The following TNFSF8 variants were observed in gnomAD, a reference collection of about 807,000 sequenced individuals.
The protein encoded by TNFSF8 is TNF superfamily member 8, also known as tumor necrosis factor ligand superfamily member 8.
TNFSF8 carries 4 observed loss-of-function variants against 22.0 expected under a neutral mutation model. The ratio of observed to expected loss-of-function variants is 0.18; its 90% confidence interval spans 0.09 to 0.42. TNFSF8 has a LOEUF of 0.42. TNFSF8 is among the 10% of genes least tolerant of loss of function. The pLI is 1.00. For missense variants in TNFSF8, 233 were observed against 281.8 expected (o/e 0.83, Z 1.24); for synonymous variants, 106 against 112.5 (o/e 0.94, Z 0.37).
chr9:114,899,884 G>T (rs1315837478), downstream of TNFSF8, among the ~76,000 whole-genome samples: 2 of 152,160 alleles, frequency 1.3e-5, no homozygotes, highest in Non-Finnish European at 2.9e-5. Context: ...CAGTGTCTTT[G>T]TGACACCATT....
At chr9:114,916,772 A>C (rs189030206) in intron 2 of TNFSF8, among the ~76,000 whole-genome samples, 40 of 152,328 alleles carry the variant, frequency 2.6e-4, no homozygotes, top group Non-Finnish European at 4.9e-4. Context: ...AGCCTGGCTC[A>C]GCACTACAAC....
downstream of TNFSF8, among the ~76,000 whole-genome samples, chr9:114,896,955 T>C (rs1488527471): frequency 6.6e-6 from 1 of 152,160 alleles, no homozygotes; most frequent in Admixed American, 6.5e-5. Flanking sequence ...AGGCTGGAGT[T>C]GCAGTGGTGC....
chr9:114,911,809 T>C (rs1232594903), intron 2 of TNFSF8, among the ~76,000 whole-genome samples: 1 of 152,140 alleles, frequency 6.6e-6, no homozygotes, highest in Non-Finnish European at 1.5e-5. Context: ...CTGCAACAGT[T>C]AGTAAACCTG....
intron 1 of TNFSF8, among the ~76,000 whole-genome samples, chr9:114,924,789 C>T (rs767242715): frequency 2.0e-5 from 3 of 152,164 alleles, no homozygotes; most frequent in African/African-American, 4.8e-5. Flanking sequence ...CCATTCTGCC[C>T]GGAACCCAAG....
intron 1 of TNFSF8, among the ~76,000 whole-genome samples, chr9:114,925,290 C>T (rs1828043557): frequency 6.6e-6 from 1 of 152,178 alleles, no homozygotes; most frequent in Non-Finnish European, 1.5e-5. Flanking sequence ...CATGCAGTTT[C>T]TATAGCATGC....
At position 114,918,144 on chromosome 9, in the gene TNFSF8, A is replaced by C. The variant is rs1827943046; in HGVS notation, c.196-6T>G. ...GGTGAGTTGGGAATGGAGTCCTGGA[A>C]GAAAAGAAAGAAAAAAGCAGCATGA... On this transcript the variant is annotated splice_region_variant and splice_polypyrimidine_tract_variant and intron_variant, in intron 1 of 3. Transcript: ENST00000223795. 1 of 1,603,390 alleles carries C rather than the reference A, an allele frequency of 6.2e-7. No individual in the cohort carries two copies. The highest frequency in any genetic ancestry group is 1.3e-5 in the African/African-American group (1 of 74,252).
chr9:114,928,137 G>A (rs1009689612), intron 1 of TNFSF8, among the ~76,000 whole-genome samples: 8 of 152,226 alleles, frequency 5.3e-5, no homozygotes, highest in South Asian at 2.1e-4. Context: ...ACAGCACACC[G>A]CACTGTACAA....
intron 1 of TNFSF8, among the ~76,000 whole-genome samples, chr9:114,922,385 G>T (rs1827999378): frequency 6.6e-6 from 1 of 152,168 alleles, no homozygotes; most frequent in African/African-American, 2.4e-5. Flanking sequence ...ATGGCCCAAA[G>T]GGACTTTTGC....
chr9:114,904,984 C>T (rs1450062329), intron 3 of TNFSF8, among the ~76,000 whole-genome samples: 1 of 152,152 alleles, frequency 6.6e-6, no homozygotes, highest in Non-Finnish European at 1.5e-5. Context: ...TATTAAGGGG[C>T]TCTTGCCATC....
intron 2 of TNFSF8, among the ~76,000 whole-genome samples, chr9:114,909,895 G>A (rs986298204): frequency 1.3e-5 from 2 of 152,190 alleles, no homozygotes; most frequent in Non-Finnish European, 2.9e-5. Context: ...CCCTGAGATG[G>A]CCTGGTTCAG....
Position 114,901,439 on chromosome 9 carries a change from T to G in TNFSF8, c.*2492A>C. The stretch of plus-strand genomic sequence containing the variant: ...GACTGAGATTAGAAACCACTCACAG[T>G]GCAAAAGTCAGGTACCTCTGCTCAG... On this transcript the variant is annotated 3_prime_UTR_variant, in exon 4 of 4. Transcript: ENST00000223795. 1.0e-6 allele frequency: 1 copy of G among 985,422 alleles called. No homozygotes were observed. 61.0% of individuals were successfully genotyped at this position (985,422 alleles called of 1,614,324 possible). A position where few individuals can be genotyped will look rare whatever the true frequency, so the allele number is the denominator to read the frequency against.
chr9:114,923,956 C>T (rs1162190118), intron 1 of TNFSF8, among the ~76,000 whole-genome samples: 5 of 152,100 alleles, frequency 3.3e-5, no homozygotes, highest in East Asian at 1.9e-4. Flanking sequence ...TACAATAAGA[C>T]GTATATAGAA....
In TNFSF8 at chr9:114,905,812, G is replaced by C; in HGVS notation, c.310+16C>G. ...CGGTTTTCATATGTTTAGGTTTCCT[G>C]GGCTTGGTTACTGACCTTGGAGGTA... is the stretch of plus-strand genomic sequence containing the variant. On this transcript the variant is annotated intron_variant, in intron 3 of 3. Coordinates refer to ENST00000223795, the MANE Select transcript of TNFSF8 (RefSeq NM_001244.4). 1 of 1,601,042 alleles carries C rather than the reference G, an allele frequency of 6.2e-7. No individual in the cohort carries two copies.
At chr9:114,923,962 T>G (rs1381813612) in intron 1 of TNFSF8, among the ~76,000 whole-genome samples, 1 of 152,238 alleles carries the variant, frequency 6.6e-6, no homozygotes, top group Admixed American at 6.5e-5. Flanking sequence ...AAGACGTATA[T>G]AGAATTACCT....
downstream of TNFSF8, among the ~76,000 whole-genome samples, chr9:114,898,890 T>G (rs1230151873): frequency 6.6e-6 from 1 of 152,122 alleles, no homozygotes; most frequent in Non-Finnish European, 1.5e-5. Flanking sequence ...TCAATAATCT[T>G]GCAATCAGGA....
downstream of TNFSF8, among the ~76,000 whole-genome samples, chr9:114,896,730 A>C (rs911150521): frequency 1.3e-5 from 2 of 152,202 alleles, no homozygotes; most frequent in African/African-American, 4.8e-5. Flanking sequence ...AGGGTGATGG[A>C]TTCTACAGCA....
chr9:114,910,810 C>A (rs148254847), intron 2 of TNFSF8, among the ~76,000 whole-genome samples: 3 of 152,312 alleles, frequency 2.0e-5, no homozygotes, highest in Non-Finnish European at 4.4e-5. Flanking sequence ...GTGCCAGGTA[C>A]CTTCCAGATG....
chr9:114,926,543 C>T (rs899435750), intron 1 of TNFSF8, among the ~76,000 whole-genome samples: 12 of 152,220 alleles, frequency 7.9e-5, no homozygotes, highest in Admixed American at 7.8e-4. Flanking sequence ...ATTGATGTCT[C>T]TCACCAGGCA....
chr9:114,923,494 C>CTTTA (rs967581183), intron 1 of TNFSF8, among the ~76,000 whole-genome samples: 2 of 76,478 alleles, frequency 2.6e-5, no homozygotes, highest in African/African-American at 2.0e-4. Flanking sequence ...TTCTTTCTTT[C>CTTTA]TTTCTTTCTT....
Sources: allele counts gnomAD v4.1 joint callset (sites outside exome capture counted in the v4.1 genomes callset), GRCh38; gene constraint gnomAD v4.1.1; transcripts MANE v1.5; gene names NCBI Gene and HGNC (gene_info 2026-07-23, HGNC 2026-07-21).